The following C7orf78 variants were observed in gnomAD, a reference collection of about 807,000 sequenced individuals.
C7orf78 encodes putative uncharacterized protein C7orf78.
the C7orf78 span, among the ~76,000 whole-genome samples, chr7:12,484,401 G>T: frequency 1.3e-5 from 2 of 152,074 alleles, no homozygotes; most frequent in African/African-American, 4.8e-5. Context: ...ATTTACATAA[G>T]TTACCTAACA....
the C7orf78 span, chr7:12,491,812 CTTCT>C: frequency 6.6e-5 from 10 of 152,278 alleles, no homozygotes; most frequent in African/African-American, 2.4e-4. Context: ...CATTCTTTTG[CTTCT>C]TTATTTCTTA....
the C7orf78 span, chr7:12,531,161 T>C: frequency 2.5e-6 from 1 of 397,602 alleles, no homozygotes; most frequent in East Asian, 3.6e-5. Flanking sequence ...ACTCAATTTC[T>C]GTTTTAAATA....
the C7orf78 span, among the ~76,000 whole-genome samples, chr7:12,524,270 A>C: frequency 6.6e-6 from 1 of 152,228 alleles, no homozygotes; most frequent in Non-Finnish European, 1.5e-5. Flanking sequence ...CGAACGAAAC[A>C]GTATATGCAA....
At chr7:12,520,823 T>G in the C7orf78 span, among the ~76,000 whole-genome samples, 1 of 152,228 alleles carries the variant, frequency 6.6e-6, no homozygotes, top group Non-Finnish European at 1.5e-5. Context: ...AGTGGAGTTT[T>G]GAGGTCCCTT....
chr7:12,499,195 G>C, the C7orf78 span, among the ~76,000 whole-genome samples: 1 of 151,970 alleles, frequency 6.6e-6, no homozygotes, highest in East Asian at 1.9e-4. Context: ...AAAATCACCA[G>C]CTAACATCAT....
chr7:12,509,972 T>C, the C7orf78 span, among the ~76,000 whole-genome samples: 1 of 150,514 alleles, frequency 6.6e-6, no homozygotes, highest in Non-Finnish European at 1.5e-5. Flanking sequence ...AGGCAGAGGT[T>C]GCAGTGAGCT....
the C7orf78 span, among the ~76,000 whole-genome samples, chr7:12,529,903 C>A: frequency 6.6e-6 from 1 of 152,222 alleles, no homozygotes. Flanking sequence ...AGCTCAGGGG[C>A]AGTTTTGCAG....
the C7orf78 span, chr7:12,484,024 C>T: frequency 0.19 from 29,311 of 151,874 alleles, 3,833 homozygotes; most frequent in African/African-American, 0.38. Context: ...AGGTAAAGGT[C>T]GATCTTATGT....
At chr7:12,490,670 AAT>A in the C7orf78 span, among the ~76,000 whole-genome samples, 1 of 152,124 alleles carries the variant, frequency 6.6e-6, no homozygotes, top group African/African-American at 2.4e-5. Flanking sequence ...AGTAATAGGA[AAT>A]AAGTATCTGT....
the C7orf78 span, among the ~76,000 whole-genome samples, chr7:12,532,561 A>AAT: frequency 6.6e-6 from 1 of 151,376 alleles, no homozygotes; most frequent in Non-Finnish European, 1.5e-5. Context: ...AAAAAAAAAA[A>AAT]AGAAAAAGAA....
the C7orf78 span, among the ~76,000 whole-genome samples, chr7:12,494,743 A>G: frequency 1.8e-4 from 27 of 152,192 alleles, no homozygotes; most frequent in African/African-American, 5.8e-4. Flanking sequence ...GACTGTCCTA[A>G]AATGACATTG....
chr7:12,525,507 A>G, the C7orf78 span, among the ~76,000 whole-genome samples: 1 of 152,142 alleles, frequency 6.6e-6, no homozygotes, highest in Non-Finnish European at 1.5e-5. Context: ...AGATTAGGTT[A>G]ACTAATCTAA....
chr7:12,529,699 C>T, the C7orf78 span, among the ~76,000 whole-genome samples: 1 of 152,228 alleles, frequency 6.6e-6, no homozygotes, highest in East Asian at 1.9e-4. Flanking sequence ...TGGAGGCTTC[C>T]AGGTCATAAG....
the C7orf78 span, among the ~76,000 whole-genome samples, chr7:12,513,819 T>C: frequency 6.6e-6 from 1 of 151,466 alleles, no homozygotes; most frequent in Non-Finnish European, 1.5e-5. Flanking sequence ...GCTTACACGG[T>C]GAAACCCCGT....
the C7orf78 span, among the ~76,000 whole-genome samples, chr7:12,539,192 C>T: frequency 6.6e-6 from 1 of 152,164 alleles, no homozygotes; most frequent in African/African-American, 2.4e-5. Flanking sequence ...GGGCCGGGCG[C>T]AGTGGCTCAC....
At chr7:12,486,129 C>T in the C7orf78 span, among the ~76,000 whole-genome samples, 2 of 152,146 alleles carry the variant, frequency 1.3e-5, no homozygotes, top group African/African-American at 4.8e-5. Flanking sequence ...ATTAAAGTGG[C>T]CTATACAAGT....
At chr7:12,513,866 G>C in the C7orf78 span, among the ~76,000 whole-genome samples, 1 of 152,062 alleles carries the variant, frequency 6.6e-6, no homozygotes, top group Admixed American at 6.6e-5. Flanking sequence ...TGGGCGTGGT[G>C]GTGGGTGCCT....
At chr7:12,527,906 T>A in the C7orf78 span, among the ~76,000 whole-genome samples, 4 of 148,776 alleles carry the variant, frequency 2.7e-5, no homozygotes, top group Admixed American at 1.3e-4. Flanking sequence ...GTATATGCTA[T>A]GTGTCACTCA....
At chr7:12,528,801 C>A in the C7orf78 span, 50 of 396,028 alleles carry the variant, frequency 1.3e-4, no homozygotes, top group African/African-American at 9.3e-4. Context: ...CAGCGACTTA[C>A]CACTCCTGGG....
Sources: allele counts gnomAD v4.1 joint callset (sites outside exome capture counted in the v4.1 genomes callset), GRCh38; gene constraint gnomAD v4.1.1; transcripts MANE v1.5; gene names NCBI Gene and HGNC (gene_info 2026-07-23, HGNC 2026-07-21).